Variants in ADAMTS9 observed in about 807,000 individuals in gnomAD.
The protein encoded by ADAMTS9 is A disintegrin and metalloproteinase with thrombospondin motifs 9.
Under a neutral mutation model 257.1 loss-of-function variants are expected in ADAMTS9, and 107 were observed. That is an observed-to-expected ratio of 0.42 (90% CI 0.36 to 0.49). The LOEUF (loss-of-function observed/expected upper bound fraction) is 0.49. ADAMTS9 is among the 20% of genes least tolerant of loss of function. The probability of loss-of-function intolerance (pLI) is 0.03; values close to 1 mark genes in which losing one functional copy is unlikely to be tolerated. For missense variants in ADAMTS9, 2,353 were observed against 2,469.1 expected (o/e 0.95, Z 1.00); for synonymous variants, 982 against 880.9 (o/e 1.11, Z -2.03).
chr3:64,606,395 G>C, intron 23 of ADAMTS9, among the ~76,000 whole-genome samples: 1 of 152,186 alleles, frequency 6.6e-6, no homozygotes, highest in Non-Finnish European at 1.5e-5. Context: ...GAGCTGGGGA[G>C]AGATAGGTGG....
intron 16 of ADAMTS9, among the ~76,000 whole-genome samples, chr3:64,625,130 A>G (rs1216770846): frequency 6.6e-6 from 1 of 152,208 alleles, no homozygotes; most frequent in Admixed American, 6.5e-5. Flanking sequence ...TAACTCACAG[A>G]TGGCAAATAA....
At chr3:64,681,430 A>C in intron 2 of ADAMTS9, 67 bp from the exon 3 acceptor site, 1 of 1,507,720 alleles carries the variant, frequency 6.6e-7, no homozygotes, top group Non-Finnish European at 8.9e-7. Flanking sequence ...AAAAACCAAA[A>C]GAACATTTTC....
rs574616680 is a variant in ADAMTS9, at chr3:64,661,871, T to TA, written c.680-3081dup. On this transcript the variant is annotated intron_variant, in intron 3 of 39. Coordinates refer to ENST00000498707, the MANE Select transcript of ADAMTS9 (RefSeq NM_182920.2). ...TGATTTATTATAGTAAGTAAAGTGT[T>TA]AGACATTTTAGAAGATTTAAAGTCT... Among the ~76,000 whole-genome samples, 61 of 152,256 alleles carry TA rather than the reference T, an allele frequency of 4.0e-4. 1 individual carries two copies. The East Asian group carries it at 0.011, about 27-fold the overall frequency.
chr3:64,655,609 C>G lies in ADAMTS9; in HGVS notation c.1136G>C (p.Gly379Ala). The G allele has an allele frequency of 6.2e-7, 1 of 1,614,022 alleles. No individual in the cohort carries two copies. The highest frequency in any genetic ancestry group is 8.5e-7 in the Non-Finnish European group (1 of 1,179,938). Residue 379 changes from glycine to alanine, a missense_variant, in exon 6 of 40, where the codon GGA becomes GCA. Physicochemically the swap from Gly to Ala is moderately conservative, Grantham distance 60. Transcript: ENST00000498707. ...GAGAACAGCAGTATCATGATGGATT[C>G]CACCTGGACTGTTCTTCGAATGCTG... is the stretch of plus-strand genomic sequence containing the variant. Reference protein sequence around the residue: ...QWQHSKNSPGGIHHDTAVLLT... With the variant: ...QWQHSKNSPGAIHHDTAVLLT...
rs369143152 is a variant in ADAMTS9, at chr3:64,569,793, T to G, written c.4357-1258A>C. Among the ~76,000 whole-genome samples the G allele has an allele frequency of 3.3e-5, 5 of 152,198 alleles. No individual in the cohort carries two copies. In the East Asian group the frequency reaches 9.6e-4, roughly 29 times the overall value. On this transcript the variant is annotated intron_variant, in intron 28 of 39. Coordinates refer to ENST00000498707, the MANE Select transcript of ADAMTS9 (RefSeq NM_182920.2). ...TTTAGGAGGTGAAAATATTGCTGTT[T>G]TCATTTGAGCTCTAATCTTATGAAT...
intron 28 of ADAMTS9, chr3:64,589,708 T>C (rs2084223831): frequency 6.6e-6 from 1 of 152,164 alleles, no homozygotes; most frequent in Non-Finnish European, 1.5e-5. Flanking sequence ...TAACCTATAC[T>C]GCAAAAAGGA....
In ADAMTS9 at chr3:64,553,406, G is replaced by C. The variant is rs776445339; in HGVS notation, c.4699-2344C>G. On this transcript the variant is annotated intron_variant, in intron 30 of 39. Transcript: ENST00000498707. Reference sequence around the variant, plus strand: ...TTCACTCCTTTTTAAGGCTGAATAAGATTCTGTTGTACGGATATACCACAT... The same window carrying C: ...TTCACTCCTTTTTAAGGCTGAATAACATTCTGTTGTACGGATATACCACAT... Among the ~76,000 whole-genome samples the C allele has an allele frequency of 1.1e-3, 174 of 152,208 alleles. 4 individuals carry two copies. Among genetic ancestry groups the C allele is most frequent in the Admixed American group, 0.011 (174 of 15,280 alleles).
At chr3:64,653,212 G>T (rs1285524069) in intron 8 of ADAMTS9, among the ~76,000 whole-genome samples, 2 of 152,168 alleles carry the variant, frequency 1.3e-5, no homozygotes, top group African/African-American at 4.8e-5. Flanking sequence ...CCGCCACTAA[G>T]CTGGGGAAGC....
rs1461839758 is a variant in ADAMTS9 at position 64,541,896 on chromosome 3, G to A, written c.5139C>T (p.His1713=). 6.2e-7 allele frequency: 1 copy of A among 1,614,190 alleles called. No homozygotes were observed. The change falls in exon 33 of 40, where the codon CAC becomes CAT. Residue 1713 remains histidine, a synonymous_variant. Transcript: ENST00000498707. The part of the protein sequence containing the change: ...QCLTNEDQPS[H]LCHTDLKPEE... ...CTGGCTTCAGATCAGTGTGGCATAAGTGGCTGGGTTGGTCCTCATTGGTTA... is the reference window on the plus strand; with the variant it reads ...CTGGCTTCAGATCAGTGTGGCATAAATGGCTGGGTTGGTCCTCATTGGTTA...
chr3:64,681,177 T>C lies in ADAMTS9; in HGVS notation c.679+24A>G, dbSNP rs369316906. 4 of 1,603,478 alleles carry C rather than the reference T, an allele frequency of 2.5e-6. No homozygotes were observed. The African/African-American group carries it at 5.4e-5, about 22-fold the overall frequency. ...TTACCCATCTCAAAGAGCTGGGCTC[T>C]CCGCTTAAGCAAGAAGCAAATACCT... On this transcript the variant is annotated intron_variant, in intron 3 of 39. Transcript: ENST00000498707.
chr3:64,630,229 A>G (rs1700333740), intron 16 of ADAMTS9, among the ~76,000 whole-genome samples: 1 of 152,114 alleles, frequency 6.6e-6, no homozygotes, highest in Non-Finnish European at 1.5e-5. Context: ...CAATTAGGCA[A>G]ATTTCACAAT....
rs149439669 is a variant in ADAMTS9, at chr3:64,581,985, G to A, written c.4356+12273C>T. Among the ~76,000 whole-genome samples, 7 of 152,234 alleles carry A rather than the reference G, an allele frequency of 4.6e-5. No homozygotes were observed. The East Asian group carries it at 1.4e-3, about 29-fold the overall frequency. ...TCAAAGCTTTGGAGTCACTACTAGT[G>A]TTTATGGCCATTGTTAATGACCTTT... On this transcript the variant is annotated intron_variant, in intron 28 of 39. Coordinates refer to ENST00000498707, the MANE Select transcript of ADAMTS9 (RefSeq NM_182920.2).
At chr3:64,544,347 C>T (rs1188273480) in intron 32 of ADAMTS9, among the ~76,000 whole-genome samples, 1 of 152,156 alleles carries the variant, frequency 6.6e-6, no homozygotes, top group Non-Finnish European at 1.5e-5. Flanking sequence ...AGGCATCATG[C>T]TACCTGACTT....
chr3:64,631,102 G>C (rs567350573), intron 16 of ADAMTS9, among the ~76,000 whole-genome samples: 7 of 152,212 alleles, frequency 4.6e-5, no homozygotes, highest in Admixed American at 3.9e-4. Context: ...TAAAATATTT[G>C]CAAGTCAGTT....
At chr3:64,615,193 C>T (rs2084738496) in intron 21 of ADAMTS9, 128 bp downstream of exon 21, 1 of 1,137,708 alleles carries the variant, frequency 8.8e-7, no homozygotes, top group Non-Finnish European at 1.3e-6. Flanking sequence ...GTTGTTTTCT[C>T]AAGGGAGACA....
chr3:64,634,184 G>A (rs960551063), intron 12 of ADAMTS9, among the ~76,000 whole-genome samples: 8 of 152,042 alleles, frequency 5.3e-5, no homozygotes, highest in African/African-American at 1.9e-4. Flanking sequence ...TATGAGATGC[G>A]AAGCCTGAAT....
At chr3:64,567,293 C>T (rs2083568503) in intron 29 of ADAMTS9, among the ~76,000 whole-genome samples, 1 of 152,154 alleles carries the variant, frequency 6.6e-6, no homozygotes, top group Admixed American at 6.5e-5. Flanking sequence ...CATGCTAGAG[C>T]CCGCCAACCT....
chr3:64,607,029 G>T lies in ADAMTS9; in HGVS notation c.3405C>A (p.Ile1135=). The T allele has an allele frequency of 1.2e-5, 19 of 1,613,874 alleles. No individual in the cohort carries two copies. Among genetic ancestry groups the T allele is most frequent in the Non-Finnish European group, 1.6e-5 (19 of 1,179,830 alleles). The stretch of plus-strand genomic sequence containing the variant: ...CTACCACTGACATATAAGTCCCAAT[G>T]ATGCATTTCACTGCTCTTAGCTGGT... The part of the protein sequence containing the change: ...QGYQLRAVKC[I]IGTYMSVVDD... The change falls in exon 23 of 40, where the codon ATC becomes ATA. Residue 1135 remains isoleucine, a synonymous_variant. Transcript: ENST00000498707.
chr3:64,538,250 T>G (rs542208404), intron 37 of ADAMTS9, among the ~76,000 whole-genome samples: 1 of 152,228 alleles, frequency 6.6e-6, no homozygotes, highest in East Asian at 1.9e-4. Context: ...GAGTCTCCAG[T>G]AAAAAGGATG....
Sources: gnomAD v4.1 joint callset for allele counts (sites outside exome capture counted in the v4.1 genomes callset) on GRCh38, gnomAD v4.1.1 for gene constraint, MANE v1.5 for transcripts, NCBI Gene and HGNC (gene_info 2026-07-23, HGNC 2026-07-21) for gene names.